CDYL2: variants seen among roughly 807,000 people sequenced by gnomAD.
CDYL2 encodes chromodomain Y-like protein 2.
CDYL2 carries 23 observed loss-of-function variants against 49.4 expected under a neutral mutation model. The ratio of observed to expected loss-of-function variants is 0.47; its 90% CI spans 0.34 to 0.66. The LOEUF (loss-of-function observed/expected upper bound fraction) is 0.66. CDYL2 is among the 30% of genes least tolerant of loss of function. CDYL2 has a pLI of 0.01. For synonymous variants in CDYL2, 360 were observed against 268.8 expected, an observed-to-expected ratio of 1.34 and a Z score of -3.32; for missense variants, 678 against 656.4, an observed-to-expected ratio of 1.03 and a Z score of -0.36.
chr16:80,605,184 C>T (rs1906275628), intron 6 of CDYL2, among the ~76,000 whole-genome samples: 1 of 151,748 alleles, frequency 6.6e-6, no homozygotes, highest in Non-Finnish European at 1.5e-5. Flanking sequence ...AATGTAGTAG[C>T]TGCTGTCCAC....
chr16:80,731,490 G>A (rs1032055073), intron 1 of CDYL2, among the ~76,000 whole-genome samples: 1 of 152,018 alleles, frequency 6.6e-6, no homozygotes, highest in East Asian at 1.9e-4. Context: ...GATTCAAAGA[G>A]CCCACCAGGA....
intron 1 of CDYL2, among the ~76,000 whole-genome samples, chr16:80,733,134 T>C (rs1905390708): frequency 6.6e-6 from 1 of 152,174 alleles, no homozygotes; most frequent in Non-Finnish European, 1.5e-5. Flanking sequence ...TGATGTCTCT[T>C]GTGGGCAAGG....
chr16:80,631,001 T>G (rs1202549693), intron 3 of CDYL2, among the ~76,000 whole-genome samples: 1 of 152,060 alleles, frequency 6.6e-6, no homozygotes, highest in Non-Finnish European at 1.5e-5. Context: ...ATTGCTATTA[T>G]GAAAAAGAGA....
chr16:80,689,442 T>C (rs1418108737), intron 1 of CDYL2, among the ~76,000 whole-genome samples: 1 of 152,188 alleles, frequency 6.6e-6, no homozygotes, highest in Non-Finnish European at 1.5e-5. Flanking sequence ...TCATTCTCAT[T>C]TGACAGGGGA....
chr16:80,755,719 G>C (rs914551600), intron 1 of CDYL2, among the ~76,000 whole-genome samples: 1 of 152,124 alleles, frequency 6.6e-6, no homozygotes, highest in Non-Finnish European at 1.5e-5. Flanking sequence ...CAACAGTACT[G>C]TACAATGCAA....
intron 3 of CDYL2, among the ~76,000 whole-genome samples, chr16:80,631,666 T>C (rs1907568611): frequency 6.6e-6 from 1 of 152,218 alleles, no homozygotes; most frequent in African/African-American, 2.4e-5. Flanking sequence ...AAGGCCTTAC[T>C]ATCTAGAGTA....
intron 1 of CDYL2, among the ~76,000 whole-genome samples, chr16:80,758,501 CAAGTGTGTAAACACATAAATACAGAAGTT>C (rs1479049398): frequency 2.0e-5 from 3 of 149,022 alleles, no homozygotes; most frequent in African/African-American, 7.4e-5. Context: ...ATATACCATA[CAAGTGTGTAAACACATAAATACAGAAGTT>C]TGCTGCAGCA....
rs769856800 is a variant in CDYL2, at chr16:80,612,694, C to T, written c.1150G>A (p.Ala384Thr). 8.7e-6 allele frequency: 14 copies of T among 1,613,158 alleles called. No homozygotes were observed. Among genetic ancestry groups the T allele is most frequent in the East Asian group, 6.7e-5 (3 of 44,872 alleles). The change falls in exon 5 of 7, where the codon GCC becomes ACC. Residue 384 changes from alanine (A) to threonine (T), a missense_variant. Physicochemically the swap from Ala to Thr is moderately conservative, Grantham distance 58 (BLOSUM62 0). Coordinates refer to ENST00000570137, the MANE Select transcript of CDYL2 (RefSeq NM_152342.4). The surrounding 1 kb of genome is among the most constrained non-coding windows in gnomAD (Gnocchi z 5.0). ...SEKAWFQTPY[A>T]TIRLTPAGCS... is the part of the protein sequence containing the mutation. ...CCAGCAGGCGTGAGGCGGATGGTGG[C>T]GTAGGGCGTCTGGAACCAGGCCTTC...
intron 1 of CDYL2, among the ~76,000 whole-genome samples, chr16:80,799,287 C>T (rs1291832565): frequency 6.6e-6 from 1 of 152,076 alleles, no homozygotes; most frequent in South Asian, 2.1e-4. Context: ...TTTAGAGATG[C>T]TTTCAAAAAC....
chr16:80,608,907 C>T (rs187587741), intron 5 of CDYL2, among the ~76,000 whole-genome samples: 3 of 152,194 alleles, frequency 2.0e-5, no homozygotes, highest in Non-Finnish European at 4.4e-5. Flanking sequence ...CTGGGAGAAC[C>T]ATTAAGCTCC....
chr16:80,742,451 A>AGGATGGATGCAT (rs1237453239), intron 1 of CDYL2: 1 of 121,008 alleles, frequency 8.3e-6, no homozygotes, highest in African/African-American at 3.0e-5. Context: ...GGATGGATGG[A>AGGATGGATGCAT]GGATGGATGC....
intron 2 of CDYL2, chr16:80,639,644 G>T (rs1167518436): frequency 2.4e-5 from 11 of 454,022 alleles, no homozygotes; most frequent in Non-Finnish European, 4.4e-5. Context: ...ACCTTCATAA[G>T]AACAAAAAAT....
rs531412571 is a variant in CDYL2 at position 80,781,186 on chromosome 16, A to C, written c.24+22964T>G. 4.3e-4 allele frequency among the ~76,000 whole-genome samples: 65 copies of C among 152,330 alleles called. No homozygotes were observed. In the Middle Eastern group the frequency reaches 0.01, roughly 24 times the overall value. Reference sequence around the variant, plus strand: ...ATCACATCAGAAAACCAAAGAAAAGAACATGCTAGAAAAGGCCCTACATCC... The same window carrying C: ...ATCACATCAGAAAACCAAAGAAAAGCACATGCTAGAAAAGGCCCTACATCC... On this transcript the variant is annotated intron_variant, in intron 1 of 6. Transcript: ENST00000570137.
chr16:80,611,803 C>T (rs373659840), intron 5 of CDYL2, among the ~76,000 whole-genome samples: 7 of 152,334 alleles, frequency 4.6e-5, no homozygotes, highest in African/African-American at 1.7e-4. Context: ...CAAGTGCTTC[C>T]TACGTGCCAG....
At chr16:80,646,050 G>C (rs1908329572) in intron 2 of CDYL2, among the ~76,000 whole-genome samples, 1 of 150,866 alleles carries the variant, frequency 6.6e-6, no homozygotes, top group Non-Finnish European at 1.5e-5. Flanking sequence ...TAAATGATGA[G>C]TTAATGGGTG....
chr16:80,709,594 A>ACACACACACACACACACT (rs1491201692), intron 1 of CDYL2, among the ~76,000 whole-genome samples: 4 of 150,538 alleles, frequency 2.7e-5, no homozygotes, highest in African/African-American at 9.8e-5. Context: ...ACACACACAC[A>ACACACACACACACACACT]CTTCCTCAAA....
intron 1 of CDYL2, among the ~76,000 whole-genome samples, chr16:80,717,019 T>C (rs756254554): frequency 2.6e-5 from 4 of 151,470 alleles, no homozygotes; most frequent in Admixed American, 6.6e-5. Flanking sequence ...GATGGATGGA[T>C]GGATGGATGG....
At chr16:80,629,555 C>G (rs773466337) in intron 3 of CDYL2, among the ~76,000 whole-genome samples, 12 of 152,172 alleles carry the variant, frequency 7.9e-5, no homozygotes, top group Non-Finnish European at 1.5e-4. Flanking sequence ...AGTGGATAAG[C>G]TTTCAATCAA....
intron 6 of CDYL2, among the ~76,000 whole-genome samples, chr16:80,605,151 T>C (rs1428752910): frequency 1.3e-5 from 2 of 152,010 alleles, no homozygotes; most frequent in Non-Finnish European, 2.9e-5. Context: ...TGAGTAATAA[T>C]GATCATAGTA....
Sources: gnomAD v4.1 joint callset for allele counts (sites outside exome capture counted in the v4.1 genomes callset) on GRCh38, gnomAD v4.1.1 for gene constraint, Gnocchi (gnomAD v3.1) non-coding constraint, MANE v1.5 for transcripts, NCBI Gene and HGNC (gene_info 2026-07-23, HGNC 2026-07-21) for gene names.